The following KYNU variants were observed in gnomAD, a reference collection of about 807,000 sequenced individuals.
KYNU encodes the protein L-kynurenine hydrolase.
Under a neutral mutation model 59.2 loss-of-function variants are expected in KYNU, and 54 were observed. The ratio of observed to expected loss-of-function variants is 0.91; its 90% confidence interval spans 0.73 to 1.14. The LOEUF is 1.14. Ranked by LOEUF, KYNU falls within the 50% of genes most tolerant of loss-of-function variation. KYNU has a pLI of 0.00. For synonymous variants in KYNU, 177 were observed against 192.0 expected, an observed-to-expected ratio of 0.92 and a Z score of 0.65; for missense variants, 567 against 554.4, an observed-to-expected ratio of 1.02 and a Z score of -0.23.
chr2:142,992,553 A>T (rs977178768), intron 10 of KYNU, among the ~76,000 whole-genome samples: 9 of 151,852 alleles, frequency 5.9e-5, no homozygotes, highest in African/African-American at 2.2e-4. Context: ...AAATTGATTT[A>T]TTTAAGTGGT....
rs1040137406 is a variant in KYNU at position 143,052,839 on chromosome 2, C to T, written c.*10667C>T. 1.3e-5 allele frequency: 2 copies of T among 152,302 alleles called. No individual in the cohort carries two copies. The highest frequency in any genetic ancestry group is 4.8e-5 in the African/African-American group (2 of 41,470). The allele number at this position is 152,302 out of a possible 1,614,324, so 9.4% of individuals were successfully genotyped here. On this transcript the variant is annotated 3_prime_UTR_variant, in exon 14 of 14. Coordinates refer to ENST00000264170, the MANE Select transcript of KYNU (RefSeq NM_003937.3). ...CCCCCATACAGAGTCCCTACTGAGG[C>T]ACCACCTAGTGGAGCTTTGAGAAGA...
Position 142,934,005 on chromosome 2 carries a change from A to G in KYNU, c.373+6264A>G, listed in dbSNP as rs144402206. 7.7e-3 allele frequency among the ~76,000 whole-genome samples: 1,179 copies of G among 152,332 alleles called. 10 individuals are homozygous for G. The highest frequency in any genetic ancestry group is 0.02 in the Middle Eastern group (6 of 294). On this transcript the variant is annotated intron_variant, in intron 4 of 13. Transcript: ENST00000264170. ...TAGACAGAATTACGGAAAGTAAAGT[A>G]TATGGGTTAGGAACTACTAGACATA...
At chr2:142,937,955 A>G (rs1683449637) in intron 4 of KYNU, among the ~76,000 whole-genome samples, 1 of 152,246 alleles carries the variant, frequency 6.6e-6, no homozygotes, top group African/African-American at 2.4e-5. Flanking sequence ...TGTAACTATC[A>G]CCATCATAAA....
chr2:142,885,531 CTCCA>C lies in KYNU; in HGVS notation c.165_168del (p.Pro56LeufsTer5). 3 of 1,612,954 alleles carry C rather than the reference CTCCA, an allele frequency of 1.9e-6. No homozygotes were observed. The highest frequency in any genetic ancestry group is 2.5e-6 in the Non-Finnish European group (3 of 1,179,602). ...TATATTCCCAAAATACAGGATCTGC[CTCCA>C]GGTAAGAATGCTGGGAAGGTTTTTA... On this transcript the variant is annotated frameshift_variant and splice_region_variant, in exon 2 of 14. Transcript: ENST00000264170. LOFTEE classifies it high-confidence loss of function.
In KYNU at chr2:143,045,479, C is replaced by A. The variant is rs1227588847; in HGVS notation, c.*3307C>A. ...CTATCTATGAGCATGGAATGTTTTT[C>A]CATTTGTTTGTGTCCTCTCTGGTAT... On this transcript the variant is annotated 3_prime_UTR_variant, in exon 14 of 14. Coordinates refer to ENST00000264170, the MANE Select transcript of KYNU (RefSeq NM_003937.3). The A allele has an allele frequency of 1.3e-5, 2 of 152,072 alleles. No individual in the cohort carries two copies. Among genetic ancestry groups the A allele is most frequent in the African/African-American group, 4.8e-5 (2 of 41,402 alleles). The allele number at this position is 152,072 out of a possible 1,614,324, so 9.4% of individuals were successfully genotyped here.
rs6732770 is a variant in KYNU at position 142,953,128 on chromosome 2, C to T, written c.374-1682C>T. Among the ~76,000 whole-genome samples the T allele has an allele frequency of 5.8e-3, 883 of 152,284 alleles. 7 individuals are homozygous for T. Among genetic ancestry groups the T allele is most frequent in the African/African-American group, 0.02 (823 of 41,560 alleles). ...GGCCCAAGTAAGAGACTGATAAATC[C>T]AGTTTCTCAGAAAGAAACATTTAAT... On this transcript the variant is annotated intron_variant, in intron 4 of 13. Coordinates refer to ENST00000264170, the MANE Select transcript of KYNU (RefSeq NM_003937.3).
intron 2 of KYNU, among the ~76,000 whole-genome samples, chr2:142,915,019 C>T (rs551293691): frequency 8.5e-5 from 13 of 152,354 alleles, no homozygotes; most frequent in South Asian, 4.1e-4. Context: ...TTCCCAAGGA[C>T]GCCTTTTCAT....
chr2:143,010,031 A>G (rs529708350), intron 10 of KYNU, among the ~76,000 whole-genome samples: 1 of 142,224 alleles, frequency 7.0e-6, no homozygotes, highest in Non-Finnish European at 1.5e-5. Flanking sequence ...CACCACTCCT[A>G]TTCAACTTAG....
At position 142,965,487 on chromosome 2, in the gene KYNU, T is replaced by G. The variant is rs79576872; in HGVS notation, c.729+4717T>G. 7.4e-4 allele frequency among the ~76,000 whole-genome samples: 113 copies of G among 152,306 alleles called. 1 individual carries two copies. The East Asian group carries it at 0.02, about 27-fold the overall frequency. ...GTCCACTCAGCAACTCAATTATGTCTGAGTGCCATCTCCCAAGTTTCCTTA... is the reference window on the plus strand; with the variant it reads ...GTCCACTCAGCAACTCAATTATGTCGGAGTGCCATCTCCCAAGTTTCCTTA... On this transcript the variant is annotated intron_variant, in intron 8 of 13. Transcript: ENST00000264170.
intron 4 of KYNU, among the ~76,000 whole-genome samples, chr2:142,946,276 G>T (rs1019316782): frequency 1.3e-5 from 2 of 151,628 alleles, no homozygotes; most frequent in Non-Finnish European, 2.9e-5. Context: ...TAAAAATGGG[G>T]TTTCACCATT....
intron 8 of KYNU, among the ~76,000 whole-genome samples, chr2:142,975,488 C>T (rs995663262): frequency 1.3e-5 from 2 of 152,168 alleles, no homozygotes; most frequent in African/African-American, 4.8e-5. Flanking sequence ...CACCTGACTC[C>T]ACACTGAGCT....
chr2:142,907,264 G>C (rs966769668), intron 2 of KYNU, among the ~76,000 whole-genome samples: 1 of 152,174 alleles, frequency 6.6e-6, no homozygotes, highest in Non-Finnish European at 1.5e-5. Context: ...CCAAGGAATG[G>C]AAACTTGGGC....
At chr2:143,021,192 A>G (rs758158104) in intron 10 of KYNU, among the ~76,000 whole-genome samples, 25 of 152,116 alleles carry the variant, frequency 1.6e-4, no homozygotes, top group Non-Finnish European at 1.9e-4. Flanking sequence ...CCTTTTTAAT[A>G]TGAGCTGCAG....
intron 4 of KYNU, among the ~76,000 whole-genome samples, chr2:142,938,436 A>G (rs1342065734): frequency 6.6e-6 from 1 of 152,234 alleles, no homozygotes; most frequent in Non-Finnish European, 1.5e-5. Flanking sequence ...AAAGTGACAT[A>G]CAGAGAAGGG....
At chr2:142,968,673 G>A (rs903901158) in intron 8 of KYNU, among the ~76,000 whole-genome samples, 4 of 152,152 alleles carry the variant, frequency 2.6e-5, no homozygotes, top group African/African-American at 9.6e-5. Flanking sequence ...CAGCACTTTG[G>A]AAGCCTGAAG....
At chr2:142,976,742 G>A (rs546919426) in intron 8 of KYNU, among the ~76,000 whole-genome samples, 1 of 152,230 alleles carries the variant, frequency 6.6e-6, no homozygotes, top group Admixed American at 6.5e-5. Context: ...AGCCTCAGGA[G>A]CTCCTGATGA....
chr2:142,919,383 T>A (rs34077288), intron 3 of KYNU, among the ~76,000 whole-genome samples: 4,219 of 152,358 alleles, frequency 0.028, 127 homozygotes, highest in African/African-American at 0.076. Flanking sequence ...GAAGCTTAAT[T>A]TCTTCATGAT....
At chr2:142,900,766 G>A (rs1401128482) in intron 2 of KYNU, among the ~76,000 whole-genome samples, 3 of 152,166 alleles carry the variant, frequency 2.0e-5, no homozygotes, top group African/African-American at 7.2e-5. Context: ...CTGAATTGGG[G>A]TGTAGTATGG....
At position 142,957,326 on chromosome 2, in the gene KYNU, C is replaced by T. The variant is rs534186813; in HGVS notation, c.508-315C>T. On this transcript the variant is annotated intron_variant, in intron 6 of 13. Transcript: ENST00000264170. ...TATGTTCAAGGATGACAAGTCCCTA[C>T]TATTCATTTTGCTTATTTTGCAAAT... Among the ~76,000 whole-genome samples the T allele has an allele frequency of 1.4e-4, 22 of 152,218 alleles. No homozygotes were observed. In the East Asian group the frequency reaches 2.5e-3, roughly 17 times the overall value.
Sources: allele counts gnomAD v4.1 joint callset (sites outside exome capture counted in the v4.1 genomes callset), GRCh38; gene constraint gnomAD v4.1.1; transcripts MANE v1.5; gene names NCBI Gene and HGNC (gene_info 2026-07-23, HGNC 2026-07-21).